SPMAP2L: variants seen among roughly 807,000 people sequenced by gnomAD.
SPMAP2L encodes the protein sperm microtubule associated protein 2 like.
At chr4:56,542,454 CTTT>C in the SPMAP2L span, among the ~76,000 whole-genome samples, 2 of 142,088 alleles carry the variant, frequency 1.4e-5, no homozygotes, top group South Asian at 2.2e-4. Context: ...GTTAATTTAC[CTTT>C]TTTTTTTTTT....
At chr4:56,595,117 A>G in the SPMAP2L span, 2 of 1,611,544 alleles carry the variant, frequency 1.2e-6, no homozygotes, top group South Asian at 2.2e-5. Flanking sequence ...TATCAAGATG[A>G]TGGGAGGCAA....
At chr4:56,537,146 A>G in the SPMAP2L span, among the ~76,000 whole-genome samples, 1 of 152,108 alleles carries the variant, frequency 6.6e-6, no homozygotes, top group East Asian at 1.9e-4. Flanking sequence ...CCTCTGTGAC[A>G]CCATAGTCTC....
At chr4:56,552,464 T>C in the SPMAP2L span, 19 of 737,096 alleles carry the variant, frequency 2.6e-5, no homozygotes, top group Admixed American at 8.6e-5. Context: ...GTTCTTTTTT[T>C]TCCCCCCTCC....
At chr4:56,560,662 A>G in the SPMAP2L span, among the ~76,000 whole-genome samples, 3 of 152,112 alleles carry the variant, frequency 2.0e-5, no homozygotes, top group Non-Finnish European at 2.9e-5. Flanking sequence ...TCCTGGGCTT[A>G]AGCAGTCCTT....
chr4:56,552,466 C>G, the SPMAP2L span: 3 of 637,926 alleles, frequency 4.7e-6, no homozygotes, highest in Non-Finnish European at 8.0e-6. Flanking sequence ...TCTTTTTTTT[C>G]CCCCCTCCTA....
the SPMAP2L span, among the ~76,000 whole-genome samples, chr4:56,596,234 T>C: frequency 1.3e-5 from 2 of 152,144 alleles, no homozygotes; most frequent in Non-Finnish European, 2.9e-5. Flanking sequence ...TCTGCATTTA[T>C]TAGTATTCTA....
the SPMAP2L span, among the ~76,000 whole-genome samples, chr4:56,564,133 ATTTT>A: frequency 9.7e-5 from 13 of 133,636 alleles, no homozygotes; most frequent in Admixed American, 1.5e-4. Flanking sequence ...AATCTGTGGA[ATTTT>A]TTTTTTTTTT....
chr4:56,533,945 C>T, the SPMAP2L span, among the ~76,000 whole-genome samples: 1 of 152,096 alleles, frequency 6.6e-6, no homozygotes, highest in African/African-American at 2.4e-5. Context: ...GAACAAGACT[C>T]TGTCTCAAGA....
chr4:56,600,379 C>T, the SPMAP2L span, among the ~76,000 whole-genome samples: 172 of 152,068 alleles, frequency 1.1e-3, 1 homozygote, highest in African/African-American at 3.7e-3. Flanking sequence ...CTGCAACCTC[C>T]GACTCCCTGG....
chr4:56,546,444 G>A, the SPMAP2L span, among the ~76,000 whole-genome samples: 1 of 152,178 alleles, frequency 6.6e-6, no homozygotes, highest in Non-Finnish European at 1.5e-5. Context: ...CAGAGATTGT[G>A]ACTTAATTGG....
the SPMAP2L span, among the ~76,000 whole-genome samples, chr4:56,587,335 T>A: frequency 3.9e-4 from 59 of 152,160 alleles, no homozygotes; most frequent in Non-Finnish European, 8.1e-4. Context: ...GATTTTTCCA[T>A]AAGTTATTGG....
At chr4:56,557,873 G>T in the SPMAP2L span, 1 of 152,182 alleles carries the variant, frequency 6.6e-6, no homozygotes, top group Admixed American at 6.5e-5. Context: ...TTTTTAAAAT[G>T]CTGTCAGTAA....
the SPMAP2L span, among the ~76,000 whole-genome samples, chr4:56,570,791 A>T: frequency 2.6e-5 from 4 of 151,764 alleles, no homozygotes; most frequent in African/African-American, 4.8e-5. Context: ...CTTTTTTAAA[A>T]TTTTTATTAT....
chr4:56,584,360 G>A, the SPMAP2L span: 384 of 612,894 alleles, frequency 6.3e-4, no homozygotes, highest in African/African-American at 6.1e-3. Context: ...GATAGAAAGA[G>A]CATGACTGTG....
At chr4:56,548,277 T>TA in the SPMAP2L span, among the ~76,000 whole-genome samples, 1 of 152,174 alleles carries the variant, frequency 6.6e-6, no homozygotes, top group Non-Finnish European at 1.5e-5. Flanking sequence ...AACTTTTACT[T>TA]ATGTTAGTTA....
At chr4:56,606,378 C>T in the SPMAP2L span, among the ~76,000 whole-genome samples, 3 of 152,042 alleles carry the variant, frequency 2.0e-5, no homozygotes, top group African/African-American at 4.8e-5. Context: ...GTTTCCTAGC[C>T]GAGGTATGGA....
At chr4:56,598,035 A>T in the SPMAP2L span, among the ~76,000 whole-genome samples, 12 of 152,008 alleles carry the variant, frequency 7.9e-5, no homozygotes, top group South Asian at 2.1e-4. Context: ...AGTTTTAAAA[A>T]TTTTTTTGTA....
At chr4:56,559,566 G>T in the SPMAP2L span, 1 of 1,431,298 alleles carries the variant, frequency 7.0e-7, no homozygotes, top group Non-Finnish European at 9.1e-7. Context: ...GAGGTTTTTT[G>T]TTGTTGTTTT....
At chr4:56,622,263 T>G in the SPMAP2L span, among the ~76,000 whole-genome samples, 1 of 152,220 alleles carries the variant, frequency 6.6e-6, no homozygotes, top group Admixed American at 6.5e-5. Context: ...CAAATCAGGT[T>G]AAAACATGCT....
Sources: gnomAD v4.1 joint callset for allele counts (sites outside exome capture counted in the v4.1 genomes callset) on GRCh38, gnomAD v4.1.1 for gene constraint, MANE v1.5 for transcripts, NCBI Gene and HGNC (gene_info 2026-07-23, HGNC 2026-07-21) for gene names.